The following RALYL variants were observed in gnomAD, a reference collection of about 807,000 sequenced individuals.
RALYL encodes RNA-binding Raly-like protein.
RALYL carries 29 observed loss-of-function variants against 35.1 expected under a neutral mutation model. That is an observed-to-expected ratio of 0.83 (90% confidence interval 0.61 to 1.13). RALYL has a LOEUF of 1.13. Ranked by LOEUF, RALYL falls within the 50% of genes most tolerant of loss-of-function variation. RALYL has a pLI of 0.00. For missense variants in RALYL, 359 were observed against 360.4 expected (o/e 1.00, Z 0.03); for synonymous variants, 120 against 127.6 (o/e 0.94, Z 0.40).
intron 1 of RALYL, among the ~76,000 whole-genome samples, chr8:84,367,395 G>A (rs1331047419): frequency 8.6e-6 from 1 of 116,842 alleles, no homozygotes; most frequent in Non-Finnish European, 1.6e-5. Flanking sequence ...TCACCATGCT[G>A]GCTAGGCTGG....
chr8:84,508,243 C>T (rs2057334039), intron 1 of RALYL, among the ~76,000 whole-genome samples: 1 of 152,098 alleles, frequency 6.6e-6, no homozygotes, highest in South Asian at 2.1e-4. Context: ...GATAAACACT[C>T]ATCCCCCTCA....
chr8:84,535,304 C>T (rs778815886), intron 2 of RALYL, among the ~76,000 whole-genome samples: 1 of 152,140 alleles, frequency 6.6e-6, no homozygotes, highest in Admixed American at 6.5e-5. Context: ...GAAATTTATT[C>T]CATTTCAGCA....
intron 2 of RALYL, among the ~76,000 whole-genome samples, chr8:84,770,122 TGA>T (rs1210013200): frequency 1.3e-5 from 2 of 152,164 alleles, no homozygotes; most frequent in Non-Finnish European, 2.9e-5. Flanking sequence ...GGTGGTGATT[TGA>T]GAGAATCTGA....
At chr8:84,184,831 G>A (rs960957036) in intron 1 of RALYL, 1 of 737,910 alleles carries the variant, frequency 1.4e-6, no homozygotes, top group Non-Finnish European at 2.3e-6. Flanking sequence ...CGTCGGGCGG[G>A]CTAGAGGGGA....
chr8:84,605,302 A>G (rs146301172), intron 2 of RALYL, among the ~76,000 whole-genome samples: 15 of 152,254 alleles, frequency 9.9e-5, no homozygotes, highest in African/African-American at 3.1e-4. Context: ...TTCTAATCAA[A>G]GAACATCGTC....
intron 1 of RALYL, among the ~76,000 whole-genome samples, chr8:84,316,850 AT>A (rs1240990955): frequency 6.6e-6 from 1 of 152,192 alleles, no homozygotes; most frequent in African/African-American, 2.4e-5. Flanking sequence ...ATAAAACATC[AT>A]TTGAAGTCAG....
chr8:84,600,193 A>G (rs955489156), intron 2 of RALYL, among the ~76,000 whole-genome samples: 5 of 152,064 alleles, frequency 3.3e-5, no homozygotes, highest in Admixed American at 6.6e-5. Context: ...TTTCCCTTCT[A>G]ATACAGAATA....
At chr8:84,484,537 G>T (rs540211259) in intron 1 of RALYL, among the ~76,000 whole-genome samples, 5 of 152,048 alleles carry the variant, frequency 3.3e-5, no homozygotes, top group Admixed American at 1.3e-4. Context: ...TGCTGGGAAT[G>T]ATGAGTAGTC....
chr8:84,657,993 G>C lies in RALYL; in HGVS notation c.257-116586G>C, dbSNP rs538945074. On this transcript the variant is annotated intron_variant, in intron 2 of 8. Transcript: ENST00000521268. ...CTTGGTCAAGGGGATCTCAGGGAAAGCTTGGAAGTTGAGTTCCCAGCAATA... is the reference window on the plus strand; with the variant it reads ...CTTGGTCAAGGGGATCTCAGGGAAACCTTGGAAGTTGAGTTCCCAGCAATA... Among the ~76,000 whole-genome samples, 384 of 152,282 alleles carry C rather than the reference G, an allele frequency of 2.5e-3. 2 individuals carry two copies. The highest frequency in any genetic ancestry group is 4.7e-3 in the Non-Finnish European group (322 of 68,020).
chr8:84,845,062 T>A (rs1834328471), intron 4 of RALYL, among the ~76,000 whole-genome samples: 1 of 152,124 alleles, frequency 6.6e-6, no homozygotes, highest in Non-Finnish European at 1.5e-5. Flanking sequence ...GGCACATGTA[T>A]ATGTATGTAA....
At chr8:84,245,997 G>A (rs1203680466) in intron 1 of RALYL, among the ~76,000 whole-genome samples, 3 of 152,146 alleles carry the variant, frequency 2.0e-5, no homozygotes, top group African/African-American at 7.2e-5. Context: ...CCTGAATAAT[G>A]TAATATCATG....
chr8:84,515,626 A>C (rs1382568719), intron 1 of RALYL, among the ~76,000 whole-genome samples: 1 of 152,208 alleles, frequency 6.6e-6, no homozygotes, highest in African/African-American at 2.4e-5. Flanking sequence ...TTTAATTTAC[A>C]TAGTCTCTTC....
intron 1 of RALYL, among the ~76,000 whole-genome samples, chr8:84,445,512 T>TCA (rs1204247211): frequency 6.6e-6 from 1 of 151,986 alleles, no homozygotes; most frequent in Non-Finnish European, 1.5e-5. Flanking sequence ...AGTACGTGTT[T>TCA]TATTTCCTTC....
In RALYL at chr8:84,871,932, G is replaced by GT. The variant is rs1287037931; in HGVS notation, c.572-1347dup. ...TTTAAGCAAACATAAATTGCATTTT[G>GT]TTTTTGTTTTTTTATTTTTTCAAAA... On this transcript the variant is annotated intron_variant, in intron 6 of 8. Coordinates refer to ENST00000521268, the MANE Select transcript of RALYL (RefSeq NM_173848.7). 1.3e-5 allele frequency among the ~76,000 whole-genome samples: 2 copies of GT among 149,506 alleles called. 1 individual carries two copies.
chr8:84,216,118 T>C (rs1415831878), intron 1 of RALYL, among the ~76,000 whole-genome samples: 1 of 152,158 alleles, frequency 6.6e-6, no homozygotes, highest in Non-Finnish European at 1.5e-5. Context: ...TAATTATCTC[T>C]GTTGTACAGA....
At chr8:84,214,393 T>G (rs1417338927) in intron 1 of RALYL, among the ~76,000 whole-genome samples, 1 of 152,172 alleles carries the variant, frequency 6.6e-6, no homozygotes, top group Admixed American at 6.5e-5. Context: ...TGAGTCTTTA[T>G]GCTTTATCAA....
chr8:84,653,120 T>C (rs1302222880), intron 2 of RALYL, among the ~76,000 whole-genome samples: 1 of 152,020 alleles, frequency 6.6e-6, no homozygotes, highest in South Asian at 2.1e-4. Flanking sequence ...AGTATAATAT[T>C]AGAAATTTAT....
chr8:84,203,478 T>C (rs1187248684), intron 1 of RALYL, among the ~76,000 whole-genome samples: 2 of 152,196 alleles, frequency 1.3e-5, no homozygotes, highest in Non-Finnish European at 1.5e-5. Flanking sequence ...AAAGTGGTGC[T>C]GCTTAAAATA....
chr8:84,799,817 G>A (rs577393311), intron 3 of RALYL, among the ~76,000 whole-genome samples: 36 of 152,118 alleles, frequency 2.4e-4, no homozygotes, highest in East Asian at 5.8e-4. Flanking sequence ...TTAACCAGGC[G>A]TGGTGGCAGG....
Sources: gnomAD v4.1 joint callset for allele counts (sites outside exome capture counted in the v4.1 genomes callset) on GRCh38, gnomAD v4.1.1 for gene constraint, MANE v1.5 for transcripts, NCBI Gene and HGNC (gene_info 2026-07-23, HGNC 2026-07-21) for gene names.